Variants in RIN2 observed in about 807,000 individuals in gnomAD.
The protein encoded by RIN2 is RAB5 interacting protein 2.
A neutral mutation model predicts 78.0 loss-of-function variants in RIN2; 36 were observed. That is an observed-to-expected ratio of 0.46 (90% CI 0.35 to 0.61). The LOEUF (loss-of-function observed/expected upper bound fraction) is 0.61. Ranked by LOEUF, RIN2 falls within the 20% of genes least tolerant of loss-of-function variation. The pLI, the probability that RIN2 is intolerant of heterozygous loss-of-function variation, is 0.00. For synonymous variants in RIN2, 466 were observed against 466.8 expected (o/e 1.00, Z 0.02); for missense variants, 1,087 against 1,159.7 (o/e 0.94, Z 0.91).
chr20:19,975,759 C>T lies in RIN2; in HGVS notation c.1734C>T (p.Ile578=). The T allele has an allele frequency of 6.2e-7, 1 of 1,611,930 alleles. No homozygotes were observed. The highest frequency in any genetic ancestry group is 8.5e-7 in the Non-Finnish European group (1 of 1,179,172). Residue 578 remains isoleucine, a synonymous_variant, in exon 9 of 13, where the codon ATC becomes ATT. Transcript: ENST00000255006. This position sits in a 1 kb window ranked among gnomAD's most constrained non-coding sequence, Gnocchi z 4.9. ...LSQSSELDPP[I]ESLIPEDQID... ...AGAGCTCGGAGCTGGACCCCCCCAT[C>T]GAGTCGCTGATCCCTGAAGACCAAA...
chr20:19,912,343 G>A (rs1449971312), intron 3 of RIN2, among the ~76,000 whole-genome samples: 2 of 152,136 alleles, frequency 1.3e-5, no homozygotes, highest in East Asian at 1.9e-4. Context: ...GCAGGTCCAT[G>A]CTTTTTACCA....
At chr20:19,978,034 G>A (rs894988944) in intron 9 of RIN2, among the ~76,000 whole-genome samples, 3 of 152,010 alleles carry the variant, frequency 2.0e-5, no homozygotes, top group Admixed American at 6.6e-5. Flanking sequence ...GGAAAGATGC[G>A]ACCCTAACTA....
chr20:19,867,100 G>T (rs1278389638), intron 2 of RIN2, among the ~76,000 whole-genome samples: 1 of 151,824 alleles, frequency 6.6e-6, no homozygotes, highest in African/African-American at 2.4e-5. Flanking sequence ...AGACTCATAA[G>T]ATGTCAGTTA....
chr20:19,884,342 T>C (rs2038115361), intron 2 of RIN2, among the ~76,000 whole-genome samples: 1 of 152,044 alleles, frequency 6.6e-6, no homozygotes, highest in African/African-American at 2.4e-5. Flanking sequence ...GGAGAATCAC[T>C]TGAGCCCAGG....
At chr20:19,995,562 C>T (rs763039517) in intron 11 of RIN2, among the ~76,000 whole-genome samples, 1 of 152,122 alleles carries the variant, frequency 6.6e-6, no homozygotes, top group Non-Finnish European at 1.5e-5. Flanking sequence ...CTTACAGTGT[C>T]GTCAGCCCTT....
intron 4 of RIN2, 165 bp downstream of exon 4, chr20:19,935,364 A>G: frequency 7.8e-7 from 1 of 1,282,510 alleles, no homozygotes; most frequent in Non-Finnish European, 1.0e-6. Context: ...CCTAGGAACT[A>G]GTTGTCTGCT....
intron 2 of RIN2, among the ~76,000 whole-genome samples, chr20:19,881,303 G>A (rs910641052): frequency 2.6e-5 from 4 of 152,092 alleles, no homozygotes; most frequent in Non-Finnish European, 2.9e-5. Context: ...GCTAAAACCC[G>A]GGGCTTTTAT....
intron 1 of RIN2, among the ~76,000 whole-genome samples, chr20:19,791,906 C>T (rs1479579434): frequency 6.6e-6 from 1 of 152,116 alleles, no homozygotes; most frequent in Non-Finnish European, 1.5e-5. Context: ...CTAAAATGTT[C>T]ATGTTTTAGA....
rs768184808 is a variant in RIN2 at position 19,975,307 on chromosome 20, C to T, written c.1282C>T (p.Arg428Trp). 12 of 1,606,112 alleles carry T rather than the reference C, an allele frequency of 7.5e-6. No individual in the cohort carries two copies. The East Asian group carries it at 2.2e-4, about 30-fold the overall frequency. The change falls in exon 9 of 13, where the codon CGG (arginine) becomes TGG (tryptophan). Residue 428 changes from arginine (R) to tryptophan (W), a missense_variant. This residue lies in a region of RIN2 where 706 missense variants were observed against 667.5 expected (regional missense o/e 1.06). Transcript: ENST00000255006. The surrounding 1 kb of genome is among the most constrained non-coding windows in gnomAD (Gnocchi z 4.9). The stretch of plus-strand genomic sequence containing the variant: ...GCCCCCGTGCCATGGAGGCCGGCAG[C>T]GGCTGAGCGACATGAGCATTTCTAC... The part of the protein sequence containing the change: ...SRPPCHGGRQ[R>W]LSDMSISTSS...
chr20:19,866,826 T>C (rs574729144), intron 2 of RIN2, among the ~76,000 whole-genome samples: 6 of 152,180 alleles, frequency 3.9e-5, no homozygotes, highest in African/African-American at 1.4e-4. Context: ...GGTTTCACTA[T>C]GTTGACCAGG....
At chr20:19,827,818 T>C (rs975504110) in intron 2 of RIN2, among the ~76,000 whole-genome samples, 3 of 151,696 alleles carry the variant, frequency 2.0e-5, no homozygotes, top group African/African-American at 7.3e-5. Context: ...TTCTTTTTTT[T>C]TTTTTTTGCT....
intron 2 of RIN2, among the ~76,000 whole-genome samples, chr20:19,887,181 TA>T (rs1370062678): frequency 2.6e-5 from 2 of 78,326 alleles, no homozygotes; most frequent in African/African-American, 1.5e-4. Flanking sequence ...CATGCCCATC[TA>T]TTTTTTTTTT....
At chr20:19,919,740 A>C (rs546268968) in intron 3 of RIN2, among the ~76,000 whole-genome samples, 73 of 152,196 alleles carry the variant, frequency 4.8e-4, no homozygotes, top group African/African-American at 1.6e-3. Context: ...CAGAAGGTGG[A>C]GGCTGCAGTG....
chr20:19,986,295 C>T (rs111662768), intron 9 of RIN2, among the ~76,000 whole-genome samples: 1 of 151,880 alleles, frequency 6.6e-6, no homozygotes. Flanking sequence ...AGGCTCTTGT[C>T]CCCTACTCTT....
intron 9 of RIN2, among the ~76,000 whole-genome samples, chr20:19,981,360 G>A (rs1216928532): frequency 6.6e-6 from 1 of 152,102 alleles, no homozygotes; most frequent in African/African-American, 2.4e-5. Context: ...CCTGACCCAG[G>A]CCATGTATGC....
chr20:19,787,163 C>A (rs2034705323), intron 1 of RIN2, among the ~76,000 whole-genome samples: 1 of 152,058 alleles, frequency 6.6e-6, no homozygotes, highest in African/African-American at 2.4e-5. Flanking sequence ...TGGCTCATAC[C>A]TGTAATCCCA....
At chr20:19,880,318 C>T (rs896809471) in intron 2 of RIN2, among the ~76,000 whole-genome samples, 4 of 146,878 alleles carry the variant, frequency 2.7e-5, no homozygotes, top group Admixed American at 6.9e-5. Context: ...GTGTTGCTGG[C>T]GTTTATCTGT....
At chr20:19,817,462 C>A (rs184953377) in intron 2 of RIN2, among the ~76,000 whole-genome samples, 8 of 152,004 alleles carry the variant, frequency 5.3e-5, no homozygotes, top group East Asian at 3.9e-4. Flanking sequence ...AAAGGCCCTA[C>A]CTCTTAATAC....
At position 19,958,470 on chromosome 20, in the gene RIN2, T is replaced by G. The variant is rs561437689; in HGVS notation, c.351+1663T>G. Among the ~76,000 whole-genome samples the G allele has an allele frequency of 6.6e-5, 10 of 152,380 alleles. No individual in the cohort carries two copies. The East Asian group carries it at 1.2e-3, about 18-fold the overall frequency. On this transcript the variant is annotated intron_variant, in intron 5 of 12. Coordinates refer to ENST00000255006, the MANE Select transcript of RIN2 (RefSeq NM_018993.4). ...CATGGGAAACAAGCCAGGCATGTTC[T>G]CTCCATCCACCTGCCTGATCCCTGC... is the stretch of plus-strand genomic sequence containing the variant.
Sources: gnomAD v4.1 joint callset for allele counts (sites outside exome capture counted in the v4.1 genomes callset) on GRCh38, gnomAD v4.1.1 for gene constraint, gnomAD v4.1.1 regional missense constraint, Gnocchi (gnomAD v3.1) non-coding constraint, MANE v1.5 for transcripts, NCBI Gene and HGNC (gene_info 2026-07-23, HGNC 2026-07-21) for gene names.